The following HACD2 variants were observed in gnomAD, a reference collection of about 807,000 sequenced individuals.
HACD2 encodes very-long-chain (3R)-3-hydroxyacyl-CoA dehydratase 2.
HACD2 carries 15 observed loss-of-function variants against 31.0 expected under a neutral mutation model. The observed-to-expected ratio is 0.48, with a 90% CI of 0.32 to 0.75. The LOEUF is 0.75. HACD2 is among the 30% of genes least tolerant of loss of function. The probability of loss-of-function intolerance (pLI) is 0.03; values close to 1 mark genes in which losing one functional copy is unlikely to be tolerated. For missense variants in HACD2, 283 were observed against 313.0 expected (o/e 0.90, Z 0.72); for synonymous variants, 115 against 122.2 (o/e 0.94, Z 0.39).
chr3:123,506,704 G>A (rs527942711), intron 4 of HACD2, among the ~76,000 whole-genome samples: 50 of 152,072 alleles, frequency 3.3e-4, no homozygotes, highest in African/African-American at 1.2e-3. Flanking sequence ...CAAAATGCTG[G>A]GATTACAAGT....
chr3:123,527,066 C>T (rs1327123929), intron 4 of HACD2, among the ~76,000 whole-genome samples: 3 of 152,160 alleles, frequency 2.0e-5, no homozygotes, highest in Non-Finnish European at 4.4e-5. Context: ...AATACTTTGA[C>T]TTCATGTACC....
chr3:123,517,669 G>T (rs553500251), intron 4 of HACD2, among the ~76,000 whole-genome samples: 2 of 152,168 alleles, frequency 1.3e-5, no homozygotes, highest in African/African-American at 4.8e-5. Flanking sequence ...CCAGAGGGGA[G>T]AAGATTTACC....
chr3:123,577,633 A>G (rs2056922129), intron 2 of HACD2, among the ~76,000 whole-genome samples: 1 of 151,874 alleles, frequency 6.6e-6, no homozygotes, highest in Non-Finnish European at 1.5e-5. Context: ...AAAAAAAAAA[A>G]AAAAAGAAAG....
intron 4 of HACD2, among the ~76,000 whole-genome samples, chr3:123,508,082 A>G (rs756291782): frequency 4.6e-5 from 7 of 152,152 alleles, no homozygotes; most frequent in South Asian, 2.1e-4. Context: ...AAAGAGGGAA[A>G]AGGGAGATGA....
intron 4 of HACD2, among the ~76,000 whole-genome samples, chr3:123,522,132 C>T (rs1044067527): frequency 6.6e-6 from 1 of 151,912 alleles, no homozygotes; most frequent in Admixed American, 6.6e-5. Context: ...GGTTCGAGAC[C>T]GTGCCTCTAC....
At chr3:123,575,825 G>A (rs2056902357) in intron 2 of HACD2, among the ~76,000 whole-genome samples, 1 of 152,068 alleles carries the variant, frequency 6.6e-6, no homozygotes, top group Admixed American at 6.6e-5. Flanking sequence ...GCTGGAAATT[G>A]TTTAAGTACT....
chr3:123,563,951 T>C (rs183601503), intron 3 of HACD2, among the ~76,000 whole-genome samples: 501 of 152,300 alleles, frequency 3.3e-3, no homozygotes, highest in Non-Finnish European at 5.5e-3. Context: ...GGAATCCAGA[T>C]GAGACGTACT....
chr3:123,505,238 G>T (rs1009002821), intron 4 of HACD2, among the ~76,000 whole-genome samples: 3 of 152,184 alleles, frequency 2.0e-5, no homozygotes, highest in Non-Finnish European at 2.9e-5. Context: ...GAGACAGAAG[G>T]TTGCCAGCAG....
At chr3:123,504,206 A>ACC (rs1299728042) in intron 4 of HACD2, among the ~76,000 whole-genome samples, 2 of 152,150 alleles carry the variant, frequency 1.3e-5, no homozygotes, top group Non-Finnish European at 2.9e-5. Flanking sequence ...ATATAAAAGC[A>ACC]CACTTTGCTT....
intron 4 of HACD2, among the ~76,000 whole-genome samples, chr3:123,516,352 A>C (rs1487644597): frequency 6.6e-6 from 1 of 151,064 alleles, no homozygotes; most frequent in African/African-American, 2.4e-5. Flanking sequence ...CTCCTGCCTC[A>C]GCCTCCCGAG....
chr3:123,544,958 C>T (rs2056539180), intron 3 of HACD2, among the ~76,000 whole-genome samples: 1 of 143,348 alleles, frequency 7.0e-6, no homozygotes, highest in Admixed American at 7.4e-5. Flanking sequence ...CTTGTGGTCC[C>T]AGCTACTCGG....
At chr3:123,528,773 G>C (rs2056316245) in intron 3 of HACD2, among the ~76,000 whole-genome samples, 1 of 152,112 alleles carries the variant, frequency 6.6e-6, no homozygotes, top group Non-Finnish European at 1.5e-5. Flanking sequence ...TGTATAGATG[G>C]AGAAAGCAAA....
chr3:123,499,992 T>A (rs2055882900), intron 6 of HACD2, among the ~76,000 whole-genome samples: 1 of 152,164 alleles, frequency 6.6e-6, no homozygotes, highest in Non-Finnish European at 1.5e-5. Flanking sequence ...GAACACTGTG[T>A]CCCAATCAGT....
chr3:123,557,139 G>A (rs561187376), intron 3 of HACD2, among the ~76,000 whole-genome samples: 53 of 152,354 alleles, frequency 3.5e-4, no homozygotes, highest in Middle Eastern at 3.4e-3. Context: ...AGGTGAGTGA[G>A]TATCACTGCC....
At chr3:123,542,466 C>A (rs1007121925) in intron 3 of HACD2, among the ~76,000 whole-genome samples, 3 of 152,182 alleles carry the variant, frequency 2.0e-5, no homozygotes, top group African/African-American at 7.2e-5. Context: ...GGAATTCAAT[C>A]TGGTAATATT....
chr3:123,569,385 AG>A (rs2056828549), intron 2 of HACD2, among the ~76,000 whole-genome samples: 1 of 152,172 alleles, frequency 6.6e-6, no homozygotes, highest in Non-Finnish European at 1.5e-5. Context: ...TTTTGGACAC[AG>A]GATCATATTC....
intron 4 of HACD2, among the ~76,000 whole-genome samples, chr3:123,515,076 C>T (rs948596792): frequency 6.6e-6 from 1 of 152,150 alleles, no homozygotes; most frequent in African/African-American, 2.4e-5. Context: ...TACTAAGCAC[C>T]AGGCAGTGTT....
chr3:123,538,236 T>TA (rs2056449536), intron 3 of HACD2, among the ~76,000 whole-genome samples: 2 of 152,188 alleles, frequency 1.3e-5, no homozygotes, highest in South Asian at 4.1e-4. Context: ...AAATTTCACA[T>TA]AACCACACTT....
chr3:123,499,752 G>T, intron 6 of HACD2: 1 of 392,484 alleles, frequency 2.5e-6, no homozygotes, highest in South Asian at 1.9e-5. Flanking sequence ...TATGTCGTTG[G>T]TTATAAGAAG....
Sources: allele counts gnomAD v4.1 joint callset (sites outside exome capture counted in the v4.1 genomes callset), GRCh38; gene constraint gnomAD v4.1.1; transcripts MANE v1.5; gene names NCBI Gene and HGNC (gene_info 2026-07-23, HGNC 2026-07-21).